COL6A3: variants seen among roughly 807,000 people sequenced by gnomAD.
The protein encoded by COL6A3 is collagen alpha-3(VI) chain.
In COL6A3, 137 loss-of-function variants were observed where a neutral mutation model predicts 274.1. That is an observed-to-expected ratio of 0.50 (90% CI 0.44 to 0.58). The LOEUF (loss-of-function observed/expected upper bound fraction) is 0.58. Among genes scored for constraint, COL6A3 ranks in the 20% least tolerant of loss-of-function variants. The pLI, the probability that COL6A3 is intolerant of heterozygous loss-of-function variation, is 0.00. For synonymous variants in COL6A3, 1,650 were observed against 1,650.6 expected, an observed-to-expected ratio of 1.00 and a Z score of 0.01; for missense variants, 3,950 against 4,124.9, an observed-to-expected ratio of 0.96 and a Z score of 1.16.
intron 17 of COL6A3, 121 bp from the exon 18 acceptor site, chr2:237,359,509 G>T (rs2106341616): frequency 1.9e-6 from 2 of 1,048,718 alleles, no homozygotes; most frequent in Non-Finnish European, 3.0e-6. Flanking sequence ...GTCTGAAAAT[G>T]TAATATTAGA....
intron 36 of COL6A3, 112 bp from the exon 37 acceptor site, chr2:237,342,273 A>G: frequency 2.5e-6 from 2 of 810,166 alleles, no homozygotes; most frequent in East Asian, 5.3e-5. Flanking sequence ...TAACTTCCCA[A>G]TAGGGCAGTA....
intron 1 of COL6A3, among the ~76,000 whole-genome samples, chr2:237,400,680 A>T (rs1487480233): frequency 6.6e-6 from 1 of 152,140 alleles, no homozygotes; most frequent in Non-Finnish European, 1.5e-5. Context: ...ATTCTTCCAA[A>T]CACTTAAGGA....
At chr2:237,333,394 A>G in intron 42 of COL6A3, 56 bp downstream of exon 42, 1 of 1,520,678 alleles carries the variant, frequency 6.6e-7, no homozygotes, top group Non-Finnish European at 9.1e-7. Context: ...TTAAATTGGA[A>G]TCAAGATGGG....
In COL6A3 at chr2:237,374,125, C is replaced by T. The variant is rs769676849; in HGVS notation, c.3679+287G>A. ...CTCCCTTTGGATATCTAGACAGAAG[C>T]TTTCATGCAAAGTTAAGGAGTCCTG... On this transcript the variant is annotated intron_variant, in intron 8 of 43. Coordinates refer to ENST00000295550, the MANE Select transcript of COL6A3 (RefSeq NM_004369.4). The surrounding 1 kb of genome is among the most constrained non-coding windows in gnomAD (Gnocchi z 4.8). 2.6e-5 allele frequency among the ~76,000 whole-genome samples: 4 copies of T among 152,198 alleles called. No individual in the cohort carries two copies. The highest frequency in any genetic ancestry group is 5.9e-5 in the Non-Finnish European group (4 of 68,032).
At position 237,360,119 on chromosome 2, in the gene COL6A3, A is replaced by C; in HGVS notation, c.6251T>G (p.Phe2084Cys). 1 of 1,614,088 alleles carries C rather than the reference A, an allele frequency of 6.2e-7. No homozygotes were observed. The highest frequency in any genetic ancestry group is 8.5e-7 in the Non-Finnish European group (1 of 1,180,002). ...GPPGVNGTQG[F>C]QGCPGQRGVK... is the part of the protein sequence containing the mutation. ...TCCTCTCTGGCCCGGGCAGCCCTGGAAACCTTGAGTGCCGTTCACACCAGG... is the reference window on the plus strand; with the variant it reads ...TCCTCTCTGGCCCGGGCAGCCCTGGCAACCTTGAGTGCCGTTCACACCAGG... The change falls in exon 17 of 44, where the codon TTC (phenylalanine) becomes TGC (cysteine). Residue 2084 changes from phenylalanine to cysteine, a missense_variant. By Grantham distance (205) the Phe-to-Cys change is radical. Transcript: ENST00000295550.
intron 39 of COL6A3, 50 bp from the exon 40 acceptor site, chr2:237,336,582 TAAATA>T: frequency 6.3e-7 from 1 of 1,589,776 alleles, no homozygotes; most frequent in Non-Finnish European, 8.6e-7. Flanking sequence ...CTATCTAAAA[TAAATA>T]AAGACATAAC....
chr2:237,353,487 A>G lies in COL6A3; in HGVS notation c.6628-84T>C, dbSNP rs1300788859. The G allele has an allele frequency of 8.7e-6, 11 of 1,266,412 alleles. No individual in the cohort carries two copies. In the East Asian group the frequency reaches 1.9e-4, roughly 21 times the overall value. 78.4% of individuals were successfully genotyped at this position (1,266,412 alleles called of 1,614,324 possible). A position where few individuals can be genotyped will look rare whatever the true frequency, so the allele number is the denominator to read the frequency against. Reference sequence around the variant, plus strand: ...TTTGCTCTACAGTCATTTCTGGGCCAGGGACTTGGAAAGCAACCAGGGAAA... The same window carrying G: ...TTTGCTCTACAGTCATTTCTGGGCCGGGGACTTGGAAAGCAACCAGGGAAA... On this transcript the variant is annotated intron_variant, in intron 24 of 43. Transcript: ENST00000295550.
At chr2:237,324,928 C>A in intron 43 of COL6A3, 114 bp from the exon 44 acceptor site, 1 of 1,077,956 alleles carries the variant, frequency 9.3e-7, no homozygotes, top group Non-Finnish European at 1.4e-6. Flanking sequence ...AGTCCCGCAG[C>A]CTCTGGTTTC....
At chr2:237,336,856 T>G (rs771509432) in intron 39 of COL6A3, among the ~76,000 whole-genome samples, 4 of 152,222 alleles carry the variant, frequency 2.6e-5, no homozygotes, top group African/African-American at 7.2e-5. Context: ...GTTCTCATTA[T>G]AGCAATTAAC....
At chr2:237,360,195 G>C in intron 16 of COL6A3, 36 bp from the exon 17 acceptor site, 1 of 1,600,348 alleles carries the variant, frequency 6.2e-7, no homozygotes, top group Non-Finnish European at 8.6e-7. Context: ...GCAAGCTGGA[G>C]CCCTTCATCA....
chr2:237,413,770 C>T lies in COL6A3; in HGVS notation c.-31+183G>A, dbSNP rs2078913235. On this transcript the variant is annotated intron_variant, in intron 1 of 43. Transcript: ENST00000295550. This position sits in a 1 kb window ranked among gnomAD's most constrained non-coding sequence, Gnocchi z 4.0. ...TGACCTTAACCAATTTAAGGAAATC[C>T]CATTGCCATAAAGTGAGAAAGAAAA... is the stretch of plus-strand genomic sequence containing the variant. Among the ~76,000 whole-genome samples, 1 of 152,154 alleles carries T rather than the reference C, an allele frequency of 6.6e-6. No individual in the cohort carries two copies. Among genetic ancestry groups the T allele is most frequent in the African/African-American group, 2.4e-5 (1 of 41,424 alleles).
At chr2:237,402,226 G>A (rs2078609189) in intron 1 of COL6A3, among the ~76,000 whole-genome samples, 3 of 152,134 alleles carry the variant, frequency 2.0e-5, no homozygotes, top group Admixed American at 6.5e-5. Context: ...GGGCTGTCAG[G>A]AGGGAGGCAG....
rs780886132 is a variant in COL6A3, at chr2:237,344,979, G to A, written c.7163-27C>T. ...TAGAAAAGAAGCAAAGAGAAGAAAGGGTGAGAGACTACTCTACCATGTGAG... is the reference window on the plus strand; with the variant it reads ...TAGAAAAGAAGCAAAGAGAAGAAAGAGTGAGAGACTACTCTACCATGTGAG... On this transcript the variant is annotated intron_variant, in intron 34 of 43. Coordinates refer to ENST00000295550, the MANE Select transcript of COL6A3 (RefSeq NM_004369.4). This position sits in a 1 kb window ranked among gnomAD's most constrained non-coding sequence, Gnocchi z 4.8. 6.2e-7 allele frequency: 1 copy of A among 1,614,090 alleles called. No individual in the cohort carries two copies. Among genetic ancestry groups the A allele is most frequent in the Non-Finnish European group, 8.5e-7 (1 of 1,180,020 alleles).
At chr2:237,379,773 C>T (rs889621975) in intron 5 of COL6A3, among the ~76,000 whole-genome samples, 3 of 152,172 alleles carry the variant, frequency 2.0e-5, no homozygotes, top group Admixed American at 6.5e-5. Flanking sequence ...CTTCAGACTT[C>T]CCCGTTTGTC....
chr2:237,381,213 A>T lies in COL6A3; in HGVS notation c.1599T>A (p.Arg533=), dbSNP rs1305031545. 6.2e-7 allele frequency: 1 copy of T among 1,614,154 alleles called. No homozygotes were observed. The highest frequency in any genetic ancestry group is 8.5e-7 in the Non-Finnish European group (1 of 1,180,058). Residue 533 remains arginine (R), a synonymous_variant, in exon 5 of 44, where the codon CGT becomes CGA. Coordinates refer to ENST00000295550, the MANE Select transcript of COL6A3 (RefSeq NM_004369.4). Reference sequence around the variant, plus strand: ...CGGCTGAACTCGTGAATAGGTTGTTACGAACAAAGTCTAGAGCAGAGCCCG... The same window carrying T: ...CGGCTGAACTCGTGAATAGGTTGTTTCGAACAAAGTCTAGAGCAGAGCCCG... The part of the protein sequence containing the change: ...LYTGSALDFV[R]NNLFTSSAGY...
Position 237,413,553 on chromosome 2 carries a change from C to T in COL6A3, c.-31+400G>A, listed in dbSNP as rs1673442870. On this transcript the variant is annotated intron_variant, in intron 1 of 43. Coordinates refer to ENST00000295550, the MANE Select transcript of COL6A3 (RefSeq NM_004369.4). This position sits in a 1 kb window ranked among gnomAD's most constrained non-coding sequence, Gnocchi z 4.0. The stretch of plus-strand genomic sequence containing the variant: ...CTCAGAGAACATCTCCCAGCGGAGC[C>T]GCCCGGCAGGGAGCTATGCTAGTCC... 6.6e-6 allele frequency among the ~76,000 whole-genome samples: 1 copy of T among 152,176 alleles called. No homozygotes were observed. Among genetic ancestry groups the T allele is most frequent in the Non-Finnish European group, 1.5e-5 (1 of 68,022 alleles).
chr2:237,404,597 G>C (rs1340785724), intron 1 of COL6A3, among the ~76,000 whole-genome samples: 3 of 152,184 alleles, frequency 2.0e-5, no homozygotes, highest in Non-Finnish European at 2.9e-5. Context: ...TCTGGGATGG[G>C]AAGAGCTGCA....
At chr2:237,373,343 G>C (rs1360614311) in intron 8 of COL6A3, among the ~76,000 whole-genome samples, 1 of 152,062 alleles carries the variant, frequency 6.6e-6, no homozygotes, top group Non-Finnish European at 1.5e-5. Flanking sequence ...TTCTTGTGTT[G>C]GAGACACACA....
intron 14 of COL6A3, among the ~76,000 whole-genome samples, chr2:237,362,978 C>T (rs558669416): frequency 6.6e-6 from 1 of 152,276 alleles, no homozygotes; most frequent in South Asian, 2.1e-4. Flanking sequence ...GAGGCCGTTG[C>T]TAAGGGAGCA....
Sources: allele counts gnomAD v4.1 joint callset (sites outside exome capture counted in the v4.1 genomes callset), GRCh38; gene constraint gnomAD v4.1.1; non-coding constraint Gnocchi (gnomAD v3.1); transcripts MANE v1.5; gene names NCBI Gene and HGNC (gene_info 2026-07-23, HGNC 2026-07-21).